CHST15: variants seen among roughly 807,000 people sequenced by gnomAD.
CHST15 encodes the protein carbohydrate sulfotransferase 15.
Under a neutral mutation model 53.6 loss-of-function variants are expected in CHST15, and 30 were observed. The ratio of observed to expected loss-of-function variants is 0.56; its 90% confidence interval spans 0.42 to 0.76. The LOEUF (loss-of-function observed/expected upper bound fraction) is 0.76. Ranked by LOEUF, CHST15 falls within the 30% of genes least tolerant of loss-of-function variation. CHST15 has a pLI of 0.00. For synonymous variants in CHST15, 296 were observed against 289.8 expected (o/e 1.02, Z -0.22); for missense variants, 627 against 740.5 (o/e 0.85, Z 1.78).
chr10:124,012,211 A>G, intron 7 of CHST15, 122 bp downstream of exon 7: 9 of 1,115,612 alleles, frequency 8.1e-6, no homozygotes, highest in Non-Finnish European at 1.2e-5. Flanking sequence ...GGACATCCCC[A>G]GGCCTCCCAG....
Position 124,047,754 on chromosome 10 carries a change from T to C in CHST15, c.-512-1030A>G, listed in dbSNP as rs149360000. Among the ~76,000 whole-genome samples the C allele has an allele frequency of 1.6e-3, 244 of 152,342 alleles. 2 individuals carry two copies. The highest frequency in any genetic ancestry group is 5.8e-3 in the African/African-American group (240 of 41,570). ...TGCCTGCCACATATTTAGCATACCA[T>C]AAAAGGTAGACAGCATTGATAATAA... On this transcript the variant is annotated intron_variant, in intron 1 of 7. Coordinates refer to ENST00000435907, the MANE Select transcript of CHST15 (RefSeq NM_001270764.2).
intron 4 of CHST15, among the ~76,000 whole-genome samples, chr10:124,040,659 T>A (rs1947697893): frequency 6.6e-6 from 1 of 152,214 alleles, no homozygotes; most frequent in Non-Finnish European, 1.5e-5. Flanking sequence ...AGTCTAGAAC[T>A]GACCTGGTCC....
At chr10:124,056,294 G>A (rs1330049843) in intron 1 of CHST15, among the ~76,000 whole-genome samples, 1 of 152,206 alleles carries the variant, frequency 6.6e-6, no homozygotes, top group Non-Finnish European at 1.5e-5. Flanking sequence ...ACACAGGACA[G>A]GAAGGTGAGG....
In CHST15 at chr10:124,036,176, C is replaced by T. The variant is rs1034907657; in HGVS notation, c.1190+2339G>A. Reference sequence around the variant, plus strand: ...GGCAGAGCAGCTATGCAAACACCTCCGGGGGCGGCGAGGGGTCAGCTCGAG... The same window carrying T: ...GGCAGAGCAGCTATGCAAACACCTCTGGGGGCGGCGAGGGGTCAGCTCGAG... On this transcript the variant is annotated intron_variant, in intron 5 of 7. Transcript: ENST00000435907. The surrounding 1 kb of genome is among the most constrained non-coding windows in gnomAD (Gnocchi z 5.1). Among the ~76,000 whole-genome samples, 2 of 152,168 alleles carry T rather than the reference C, an allele frequency of 1.3e-5. No homozygotes were observed. The highest frequency in any genetic ancestry group is 4.8e-5 in the African/African-American group (2 of 41,440).
Position 124,044,562 on chromosome 10 carries a change from C to G in CHST15, c.886+18G>C, listed in dbSNP as rs1205430315. On this transcript the variant is annotated intron_variant, in intron 3 of 7. Coordinates refer to ENST00000435907, the MANE Select transcript of CHST15 (RefSeq NM_001270764.2). ...GAAGGAACGAGACCAGACAGGAGCC[C>G]TGGGACCCAGCACTCACCAAAGCGC... 2 of 1,479,924 alleles carry G rather than the reference C, an allele frequency of 1.4e-6. No homozygotes were observed. Among genetic ancestry groups the G allele is most frequent in the Non-Finnish European group, 1.8e-6 (2 of 1,113,948 alleles). 91.7% of individuals were successfully genotyped at this position (1,479,924 alleles called of 1,614,324 possible). A position where few individuals can be genotyped will look rare whatever the true frequency, so the allele number is the denominator to read the frequency against.
chr10:124,009,566 T>G lies in CHST15; in HGVS notation c.*583A>C, dbSNP rs977266424. The G allele has an allele frequency of 3.0e-6, 3 of 988,808 alleles. No homozygotes were observed. Among genetic ancestry groups the G allele is most frequent in the Admixed American group, 1.2e-4 (2 of 16,898 alleles). 61.3% of individuals were successfully genotyped at this position (988,808 alleles called of 1,614,324 possible). A position where few individuals can be genotyped will look rare whatever the true frequency, so the allele number is the denominator to read the frequency against. On this transcript the variant is annotated 3_prime_UTR_variant, in exon 8 of 8. Coordinates refer to ENST00000435907, the MANE Select transcript of CHST15 (RefSeq NM_001270764.2). ...GAAAAAAAAAATGAAGAGCCTCCATTCTCGAAAGACTGCGGTTCTCTGTCC... is the reference window on the plus strand; with the variant it reads ...GAAAAAAAAAATGAAGAGCCTCCATGCTCGAAAGACTGCGGTTCTCTGTCC...
intron 1 of CHST15, among the ~76,000 whole-genome samples, chr10:124,048,344 G>T (rs1368703459): frequency 1.3e-5 from 2 of 152,206 alleles, no homozygotes; most frequent in Admixed American, 1.3e-4. Flanking sequence ...TCTCACTAGG[G>T]TATCAAGGAG....
intron 4 of CHST15, among the ~76,000 whole-genome samples, chr10:124,039,778 T>C (rs922723352): frequency 5.3e-5 from 8 of 152,190 alleles, no homozygotes; most frequent in Non-Finnish European, 8.8e-5. Context: ...TGTATGTGTG[T>C]GTGTATATGT....
intron 1 of CHST15, among the ~76,000 whole-genome samples, chr10:124,067,287 C>G (rs1160732111): frequency 6.6e-6 from 1 of 152,252 alleles, no homozygotes; most frequent in African/African-American, 2.4e-5. Context: ...TCTCTGGCAT[C>G]TACTGCACTT....
At chr10:124,077,004 C>T (rs1443192520) in intron 1 of CHST15, among the ~76,000 whole-genome samples, 7 of 152,250 alleles carry the variant, frequency 4.6e-5, no homozygotes, top group African/African-American at 9.6e-5. Flanking sequence ...CCACCGCGCC[C>T]GGCCAATTCT....
In CHST15 at chr10:124,036,021, C is replaced by T. The variant is rs564913949; in HGVS notation, c.1190+2494G>A. On this transcript the variant is annotated intron_variant, in intron 5 of 7. Transcript: ENST00000435907. The surrounding 1 kb of genome is among the most constrained non-coding windows in gnomAD (Gnocchi z 5.1). ...AGTACACAAGGCTGCTGTGTGCACT[C>T]TCGGCCCCTGAGGTTAAGGCGTGGT... Among the ~76,000 whole-genome samples the T allele has an allele frequency of 6.6e-5, 10 of 152,390 alleles. No homozygotes were observed. Among genetic ancestry groups the T allele is most frequent in the African/African-American group, 2.4e-4 (10 of 41,594 alleles).
rs949963682 is a variant in CHST15 at position 124,019,096 on chromosome 10, C to T, written c.1347+2160G>A. Among the ~76,000 whole-genome samples the T allele has an allele frequency of 2.6e-5, 4 of 152,174 alleles. No individual in the cohort carries two copies. The highest frequency in any genetic ancestry group is 4.4e-5 in the Non-Finnish European group (3 of 68,036). On this transcript the variant is annotated intron_variant, in intron 6 of 7. Transcript: ENST00000435907. This position sits in a 1 kb window ranked among gnomAD's most constrained non-coding sequence, Gnocchi z 4.6. ...GAGGCCTGCAGGATGGAAGAGCCAC[C>T]TGCACCAGGAAAGTGTAGATGTGGC...
In CHST15 at chr10:124,042,439, G is replaced by A. The variant is rs544235718; in HGVS notation, c.895C>T (p.Arg299Cys). ...CGGTCTCGCAGCCCATCTCTTAGGC[G>A]GACGATTCCTATGAGAACCAAGAAG... ...WWTRKRFGIV[R>C]LRDGLRDRYP... The change falls in exon 4 of 8, where the codon CGC (arginine) becomes TGC (cysteine). Residue 299 changes from arginine to cysteine, a missense_variant. By Grantham distance (180) the Arg-to-Cys change is radical. This residue lies in a region of CHST15 where 279 missense variants were observed against 371.6 expected (regional missense o/e 0.75). Transcript: ENST00000435907. The A allele has an allele frequency of 5.0e-6, 8 of 1,613,890 alleles. No homozygotes were observed. The highest frequency in any genetic ancestry group is 2.2e-5 in the East Asian group (1 of 44,882).
At chr10:124,015,004 G>A (rs1407723302) in intron 6 of CHST15, among the ~76,000 whole-genome samples, 1 of 152,040 alleles carries the variant, frequency 6.6e-6, no homozygotes, top group African/African-American at 2.4e-5. Flanking sequence ...CTGGCGCTCG[G>A]CTGCTTCTCC....
intron 6 of CHST15, among the ~76,000 whole-genome samples, chr10:124,013,879 T>C (rs1946498287): frequency 6.6e-6 from 1 of 151,958 alleles, no homozygotes; most frequent in African/African-American, 2.4e-5. Context: ...ACCACTCCCT[T>C]TGTTTATGCC....
chr10:124,062,080 A>G (rs1231705433), intron 1 of CHST15, among the ~76,000 whole-genome samples: 2 of 151,996 alleles, frequency 1.3e-5, no homozygotes, highest in African/African-American at 4.8e-5. Context: ...GCAGCCGGGA[A>G]GGACATTTTC....
At position 124,082,043 on chromosome 10, in the gene CHST15, C is replaced by T. The variant is rs551401696; in HGVS notation, c.-513+11426G>A. 3.5e-4 allele frequency among the ~76,000 whole-genome samples: 54 copies of T among 152,216 alleles called. 1 individual carries two copies. In the South Asian group the frequency reaches 7.7e-3, roughly 22 times the overall value. ...GGCGCCACAAGGTGCTGTTCTTATT[C>T]GGCCGCTGGTGGATGGGGAGATGTT... On this transcript the variant is annotated intron_variant, in intron 1 of 7. Transcript: ENST00000435907.
intron 5 of CHST15, among the ~76,000 whole-genome samples, chr10:124,025,230 A>C (rs945459717): frequency 1.3e-5 from 2 of 152,226 alleles, no homozygotes; most frequent in Non-Finnish European, 2.9e-5. Context: ...AATCCCTAGG[A>C]AAAACTGGGA....
rs1179439287 is a variant in CHST15, at chr10:124,008,840, C to CA, written c.*1308dup. The CA allele has an allele frequency of 2.4e-6, 3 of 1,247,070 alleles. No individual in the cohort carries two copies. The African/African-American group carries it at 4.6e-5, about 19-fold the overall frequency. The allele number at this position is 1,247,070 out of a possible 1,614,324, so 77.3% of individuals were successfully genotyped here. On this transcript the variant is annotated 3_prime_UTR_variant, in exon 8 of 8. Coordinates refer to ENST00000435907, the MANE Select transcript of CHST15 (RefSeq NM_001270764.2). ...CACCTGGGCTGTTGCCAAGGATGCT[C>CA]AAGCGTTCTCTTCAATCTTCCCTGT...
Sources: gnomAD v4.1 joint callset for allele counts (sites outside exome capture counted in the v4.1 genomes callset) on GRCh38, gnomAD v4.1.1 for gene constraint, gnomAD v4.1.1 regional missense constraint, Gnocchi (gnomAD v3.1) non-coding constraint, MANE v1.5 for transcripts, NCBI Gene and HGNC (gene_info 2026-07-23, HGNC 2026-07-21) for gene names.